Variants in CDYL2 observed in about 807,000 individuals in gnomAD.
The protein encoded by CDYL2 is chromodomain Y like 2.
CDYL2 carries 23 observed loss-of-function variants against 49.4 expected under a neutral mutation model. The observed-to-expected ratio is 0.47, with a 90% CI of 0.34 to 0.66. The LOEUF (loss-of-function observed/expected upper bound fraction) is 0.66, where lower values mean the gene tolerates loss of function less well. Ranked by LOEUF, CDYL2 falls within the 30% of genes least tolerant of loss-of-function variation. The pLI, the probability that CDYL2 is intolerant of heterozygous loss-of-function variation, is 0.01. For missense variants in CDYL2, 678 were observed against 656.4 expected, an observed-to-expected ratio of 1.03 and a Z score of -0.36; for synonymous variants, 360 against 268.8, an observed-to-expected ratio of 1.34 and a Z score of -3.32.
At chr16:80,623,886 G>A (rs952275208) in intron 3 of CDYL2, among the ~76,000 whole-genome samples, 3 of 152,170 alleles carry the variant, frequency 2.0e-5, no homozygotes, top group Non-Finnish European at 4.4e-5. Flanking sequence ...GGGAGCAGCA[G>A]GAAATGAGCT....
At chr16:80,776,563 T>G (rs1332860210) in intron 1 of CDYL2, among the ~76,000 whole-genome samples, 4 of 150,608 alleles carry the variant, frequency 2.7e-5, no homozygotes, top group African/African-American at 9.7e-5. Flanking sequence ...CATCTTTTAT[T>G]TATATATTAT....
At chr16:80,633,925 G>A (rs1183159445) in intron 2 of CDYL2, among the ~76,000 whole-genome samples, 2 of 152,154 alleles carry the variant, frequency 1.3e-5, no homozygotes, top group East Asian at 3.9e-4. Flanking sequence ...ATGTATAACG[G>A]TTCCCAGTCT....
At chr16:80,688,420 T>C (rs1277462366) in intron 1 of CDYL2, among the ~76,000 whole-genome samples, 1 of 149,972 alleles carries the variant, frequency 6.7e-6, no homozygotes, top group Non-Finnish European at 1.5e-5. Context: ...TATATAATAA[T>C]AAAGAAAAAC....
At chr16:80,685,177 A>G (rs1910140619) in intron 1 of CDYL2, 48 bp from the exon 2 acceptor site, 2 of 1,483,306 alleles carry the variant, frequency 1.3e-6, no homozygotes, top group Non-Finnish European at 1.8e-6. Flanking sequence ...GAGGGAGGAA[A>G]AAACTCAGTT....
chr16:80,707,982 G>A (rs1359950020), intron 1 of CDYL2, among the ~76,000 whole-genome samples: 2 of 152,108 alleles, frequency 1.3e-5, no homozygotes, highest in African/African-American at 4.8e-5. Context: ...AGAAAGAAAG[G>A]CAGGATGCTA....
intron 2 of CDYL2, chr16:80,670,998 G>C: frequency 2.2e-6 from 1 of 455,924 alleles, no homozygotes; most frequent in South Asian, 1.5e-5. Context: ...TTGTCTCCTG[G>C]GTTCTCCTCT....
intron 1 of CDYL2, among the ~76,000 whole-genome samples, chr16:80,739,768 G>C (rs1905670904): frequency 6.6e-6 from 1 of 152,210 alleles, no homozygotes; most frequent in Admixed American, 6.5e-5. Flanking sequence ...GAGAGACAGA[G>C]AGGTCACTGC....
chr16:80,725,635 A>G (rs1053372547), intron 1 of CDYL2, among the ~76,000 whole-genome samples: 3 of 152,246 alleles, frequency 2.0e-5, no homozygotes, highest in Non-Finnish European at 4.4e-5. Context: ...CCTAAGCTAC[A>G]TGCAGAAGTT....
intron 2 of CDYL2, among the ~76,000 whole-genome samples, chr16:80,674,758 C>T (rs1212529684): frequency 6.6e-6 from 1 of 152,248 alleles, no homozygotes; most frequent in Non-Finnish European, 1.5e-5. Context: ...GTCCACTATT[C>T]ATTGCTCTTT....
chr16:80,712,684 G>A (rs1904661312), intron 1 of CDYL2, among the ~76,000 whole-genome samples: 1 of 152,138 alleles, frequency 6.6e-6, no homozygotes, highest in South Asian at 2.1e-4. Context: ...GTGCCTATGG[G>A]TAACACAGCC....
intron 6 of CDYL2, among the ~76,000 whole-genome samples, chr16:80,606,996 C>T (rs781536748): frequency 6.6e-6 from 1 of 152,168 alleles, no homozygotes; most frequent in Admixed American, 6.5e-5. Context: ...TTATCAGCAG[C>T]GTGAGAACAA....
At chr16:80,778,003 T>G (rs1032017074) in intron 1 of CDYL2, among the ~76,000 whole-genome samples, 8 of 151,924 alleles carry the variant, frequency 5.3e-5, no homozygotes, top group Admixed American at 3.3e-4. Flanking sequence ...TGCTATTAAA[T>G]ATGGAAATTT....
Position 80,661,099 on chromosome 16 carries a change from G to A in CDYL2, c.616+23439C>T, listed in dbSNP as rs1431991263. On this transcript the variant is annotated intron_variant, in intron 2 of 6. Transcript: ENST00000570137. ...ACACAGCCACTCCTGGCAGGGCACA[G>A]GAACCATGTCCAAGTTCTCCACCAA... Among the ~76,000 whole-genome samples, 3 of 152,260 alleles carry A rather than the reference G, an allele frequency of 2.0e-5. No homozygotes were observed. In the East Asian group the frequency reaches 5.8e-4, roughly 29 times the overall value.
intron 1 of CDYL2, among the ~76,000 whole-genome samples, chr16:80,685,718 C>T (rs1173425586): frequency 6.6e-6 from 1 of 152,160 alleles, no homozygotes; most frequent in Non-Finnish European, 1.5e-5. Context: ...AAATATTTTT[C>T]TATCCCCAAT....
At chr16:80,798,025 G>GT (rs1907817697) in intron 1 of CDYL2, among the ~76,000 whole-genome samples, 1 of 152,090 alleles carries the variant, frequency 6.6e-6, no homozygotes, top group African/African-American at 2.4e-5. Flanking sequence ...TTTTGTTGTT[G>GT]TTGTTGTTTG....
chr16:80,742,402 G>A (rs1458766808), intron 1 of CDYL2: 1 of 152,026 alleles, frequency 6.6e-6, no homozygotes, highest in East Asian at 1.9e-4. Context: ...GGGGATGAAC[G>A]AGTGGATATA....
rs143634103 is a variant in CDYL2, at chr16:80,734,446, G to C, written c.25-49317C>G. ...ACAACACTAAAGACTAATGCATTGAGGGTGATGGAAGATTTGGAAACCAGA... is the reference window on the plus strand; with the variant it reads ...ACAACACTAAAGACTAATGCATTGACGGTGATGGAAGATTTGGAAACCAGA... On this transcript the variant is annotated intron_variant, in intron 1 of 6. Coordinates refer to ENST00000570137, the MANE Select transcript of CDYL2 (RefSeq NM_152342.4). Among the ~76,000 whole-genome samples the C allele has an allele frequency of 6.8e-4, 103 of 152,268 alleles. 1 individual carries two copies. Among genetic ancestry groups the C allele is most frequent in the African/African-American group, 2.4e-3 (99 of 41,552 alleles).
chr16:80,760,311 G>A (rs1007134228), intron 1 of CDYL2, among the ~76,000 whole-genome samples: 2 of 152,164 alleles, frequency 1.3e-5, no homozygotes, highest in African/African-American at 4.8e-5. Flanking sequence ...ATAGAGAATA[G>A]AAGAATGGCT....
At chr16:80,742,471 T>C (rs1482423314) in intron 1 of CDYL2, among the ~76,000 whole-genome samples, 6 of 150,824 alleles carry the variant, frequency 4.0e-5, no homozygotes, top group Non-Finnish European at 8.9e-5. Context: ...CATGGATGGA[T>C]GGATGGATGG....
Sources: allele counts gnomAD v4.1 joint callset (sites outside exome capture counted in the v4.1 genomes callset), GRCh38; gene constraint gnomAD v4.1.1; transcripts MANE v1.5; gene names NCBI Gene and HGNC (gene_info 2026-07-23, HGNC 2026-07-21).